The following C6orf136 variants were observed in gnomAD, a reference collection of about 807,000 sequenced individuals.
The protein encoded by C6orf136 is uncharacterized protein C6orf136.
A neutral mutation model predicts 44.0 loss-of-function variants in C6orf136; 29 were observed. That is an observed-to-expected ratio of 0.66 (90% confidence interval 0.49 to 0.90). The LOEUF is 0.90. C6orf136 is among the 40% of genes least tolerant of loss of function. C6orf136 has a pLI of 0.00. For synonymous variants in C6orf136, 293 were observed against 278.6 expected (o/e 1.05, Z -0.52); for missense variants, 628 against 669.3 (o/e 0.94, Z 0.68).
chr6:30,649,811 G>C lies in C6orf136; in HGVS notation c.869G>C (p.Ser290Thr). Residue 290 changes from serine to threonine, a missense_variant, in exon 2 of 6, where the codon AGC (serine) becomes ACC (threonine). Coordinates refer to ENST00000651131, the MANE Select transcript of C6orf136 (RefSeq NM_001161376.2). ...LHSGCLDGLR[S>T]LFEGPPCPYP... Reference sequence around the variant, plus strand: ...AGCGGCTGCCTGGATGGGCTTAGAAGCCTTTTTGAGGGACCTCCCTGCCCC... The same window carrying C: ...AGCGGCTGCCTGGATGGGCTTAGAACCCTTTTTGAGGGACCTCCCTGCCCC... 6.2e-7 allele frequency: 1 copy of C among 1,614,088 alleles called. No individual in the cohort carries two copies.
At chr6:30,649,414 ATGAATCCATC>A in intron 1 of C6orf136, 134 bp from the exon 2 acceptor site, 2 of 685,594 alleles carry the variant, frequency 2.9e-6, no homozygotes, top group Non-Finnish European at 4.8e-6. Flanking sequence ...AGAGATGGAG[ATGAATCCATC>A]CCTTTTTTCC....
chr6:30,647,300 C>T lies in C6orf136; in HGVS notation c.69C>T (p.Pro23=), dbSNP rs774437722. 5.0e-6 allele frequency: 8 copies of T among 1,598,798 alleles called. No individual in the cohort carries two copies. Among genetic ancestry groups the T allele is most frequent in the Non-Finnish European group, 6.8e-6 (8 of 1,174,710 alleles). The change falls in exon 1 of 6, where the codon CCC becomes CCT. Residue 23 remains proline, a synonymous_variant. Coordinates refer to ENST00000651131, the MANE Select transcript of C6orf136 (RefSeq NM_001161376.2). This position sits in a 1 kb window ranked among gnomAD's most constrained non-coding sequence, Gnocchi z 4.8. ...GCCTGCGCGCCTACCAGGCTCGACC[C>T]CAGGTGAGCGGAGGAGAAGAGGGAG... is the stretch of plus-strand genomic sequence containing the variant. ...GPCLRAYQAR[P]QVSGGEEGGR... is the part of the protein sequence containing the mutation.
chr6:30,647,439 C>T lies in C6orf136; in HGVS notation c.208C>T (p.Gln70Ter). ...HPPPLPTCALQRVDRLGVAGA... is the reference protein window; with the variant it reads ...HPPPLPTCAL ...GCCGCCCCTTCCCACCTGTGCCCTG[C>T]AGCGCGTGGACAGGCTAGGGGTCGC... The change falls in exon 1 of 6, where the codon CAG (glutamine) becomes TAG (stop). Residue 70 changes from glutamine to a stop codon, truncating the protein, a stop_gained. Transcript: ENST00000651131. LOFTEE classifies it high-confidence loss of function. The surrounding 1 kb of genome is among the most constrained non-coding windows in gnomAD (Gnocchi z 4.8). The T allele has an allele frequency of 1.4e-6, 2 of 1,471,698 alleles. No homozygotes were observed. The highest frequency in any genetic ancestry group is 1.8e-6 in the Non-Finnish European group (2 of 1,107,814). The allele number at this position is 1,471,698 out of a possible 1,614,324, so 91.2% of individuals were successfully genotyped here. A position where few individuals can be genotyped will look rare whatever the true frequency, so the allele number is the denominator to read the frequency against.
chr6:30,652,275 ACACACAC>A (rs2127572636), intron 4 of C6orf136, among the ~76,000 whole-genome samples: 1 of 150,824 alleles, frequency 6.6e-6, no homozygotes, highest in Non-Finnish European at 1.5e-5. Flanking sequence ...ACACACACAC[ACACACAC>A]AAAAGTACTG....
In C6orf136 at chr6:30,649,756, G is replaced by T. The variant is rs369829820; in HGVS notation, c.814G>T (p.Gly272Trp). 6.2e-7 allele frequency: 1 copy of T among 1,614,014 alleles called. No individual in the cohort carries two copies. The highest frequency in any genetic ancestry group is 1.3e-5 in the African/African-American group (1 of 75,004). ...ATGGGTGGTTCTCCCTCCAGGAAAG[G>T]GGGAGGAGGGACCAGGACCTGAGTT... Reference protein sequence around the residue: ...SAWVVLPPGKGEEGPGPELHS... With the variant: ...SAWVVLPPGKWEEGPGPELHS... Residue 272 changes from glycine to tryptophan, a missense_variant, in exon 2 of 6, where the codon GGG (glycine) becomes TGG (tryptophan). Around this residue, in one of 2 missense-constraint regions of C6orf136, gnomAD observed 497 missense variants for 469.2 expected, o/e 1.06. Transcript: ENST00000651131.
chr6:30,650,910 T>TAA, intron 2 of C6orf136, 84 bp from the exon 3 acceptor site: 1 of 950,342 alleles, frequency 1.1e-6, no homozygotes, highest in South Asian at 1.4e-5. Context: ...AGACTCCGTC[T>TAA]CAAAAAAAAA....
In C6orf136 at chr6:30,651,090, T is replaced by C. The variant is rs79679868; in HGVS notation, c.1106+8T>C. On this transcript the variant is annotated splice_region_variant and intron_variant, in intron 3 of 5. Transcript: ENST00000651131. ...CCTCAACATACGTACCAAGTGAGAA[T>C]TGGGGCACAGGTAGGGCACTGGGGA... The C allele has an allele frequency of 0.012, 18,564 of 1,611,800 alleles. 469 individuals are homozygous for C. The highest frequency in any genetic ancestry group is 0.056 in the African/African-American group (4,188 of 74,948).
rs202091811 is a variant in C6orf136 at position 30,649,985 on chromosome 6, G to A, written c.1017+26G>A. 8 of 1,602,288 alleles carry A rather than the reference G, an allele frequency of 5.0e-6. No homozygotes were observed. The African/African-American group carries it at 6.7e-5, about 13-fold the overall frequency. On this transcript the variant is annotated intron_variant, in intron 2 of 5. Coordinates refer to ENST00000651131, the MANE Select transcript of C6orf136 (RefSeq NM_001161376.2). ...GTAAGTCAGTGCAAAAGTGGCCTTCGTCTACAGTGGGAAGGATGTGGGTAA... is the reference window on the plus strand; with the variant it reads ...GTAAGTCAGTGCAAAAGTGGCCTTCATCTACAGTGGGAAGGATGTGGGTAA...
In C6orf136 at chr6:30,652,827, C is replaced by T. The variant is rs1437026182; in HGVS notation, c.1403C>T (p.Thr468Met). Residue 468 changes from threonine (T) to methionine (M), a missense_variant, in exon 6 of 6, where the codon ACG becomes ATG. Transcript: ENST00000651131. ...DKLMPSHSPP[T>M]PVKKLLVGAL... ...CTGATGCCTTCACACTCACCTCCAACGCCTGTGAAGAAGCTGCTAGTGGGA... is the reference window on the plus strand; with the variant it reads ...CTGATGCCTTCACACTCACCTCCAATGCCTGTGAAGAAGCTGCTAGTGGGA... 21 of 1,613,084 alleles carry T rather than the reference C, an allele frequency of 1.3e-5. No homozygotes were observed. The highest frequency in any genetic ancestry group is 6.7e-5 in the African/African-American group (5 of 75,054).
chr6:30,650,268 C>T (rs1222866366), intron 2 of C6orf136, among the ~76,000 whole-genome samples: 2 of 151,490 alleles, frequency 1.3e-5, no homozygotes, highest in Non-Finnish European at 2.9e-5. Context: ...GTGGCAGACG[C>T]CTATAATCCC....
In C6orf136 at chr6:30,649,761, G is replaced by A; in HGVS notation, c.819G>A (p.Glu273=). The A allele has an allele frequency of 6.2e-7, 1 of 1,614,062 alleles. No homozygotes were observed. The highest frequency in any genetic ancestry group is 8.5e-7 in the Non-Finnish European group (1 of 1,179,988). ...TGGTTCTCCCTCCAGGAAAGGGGGA[G>A]GAGGGACCAGGACCTGAGTTGCATA... ...AWVVLPPGKG[E]EGPGPELHSG... is the part of the protein sequence containing the mutation. The change falls in exon 2 of 6, where the codon GAG becomes GAA. Residue 273 remains glutamate (E), a synonymous_variant. Coordinates refer to ENST00000651131, the MANE Select transcript of C6orf136 (RefSeq NM_001161376.2).
In C6orf136 at chr6:30,647,560, G is replaced by A; in HGVS notation, c.329G>A (p.Gly110Glu). The change falls in exon 1 of 6, where the codon GGG becomes GAG. Residue 110 changes from glycine (G) to glutamate (E), a missense_variant. Physicochemically the swap from Gly to Glu is moderately conservative, Grantham distance 98. Coordinates refer to ENST00000651131, the MANE Select transcript of C6orf136 (RefSeq NM_001161376.2). This position sits in a 1 kb window ranked among gnomAD's most constrained non-coding sequence, Gnocchi z 4.8. ...AVRRGQGQAA[G>E]RVCVAPDSPR... ...AGGCGGGGTCAAGGCCAGGCAGCGG[G>A]GCGCGTCTGCGTTGCGCCCGACTCT... 1 of 1,531,668 alleles carries A rather than the reference G, an allele frequency of 6.5e-7. No homozygotes were observed. Among genetic ancestry groups the A allele is most frequent in the Non-Finnish European group, 8.8e-7 (1 of 1,132,742 alleles). The allele number at this position is 1,531,668 out of a possible 1,614,324, so 94.9% of individuals were successfully genotyped here. A position where few individuals can be genotyped will look rare whatever the true frequency, so the allele number is the denominator to read the frequency against.
At chr6:30,648,729 G>A (rs1767123977) in intron 1 of C6orf136, among the ~76,000 whole-genome samples, 1 of 143,574 alleles carries the variant, frequency 7.0e-6, no homozygotes, top group African/African-American at 2.5e-5. Context: ...ACACTGGGCC[G>A]GGCACGGTGG....
In C6orf136 at chr6:30,647,554, C is replaced by A; in HGVS notation, c.323C>A (p.Ala108Glu). ...LRAVRRGQGQ[A>E]AGRVCVAPDS... ...GCGGTCAGGCGGGGTCAAGGCCAGG[C>A]AGCGGGGCGCGTCTGCGTTGCGCCC... Residue 108 changes from alanine (A) to glutamate (E), a missense_variant, in exon 1 of 6, where the codon GCA becomes GAA. Ala to Glu is a moderately radical substitution (Grantham distance 107, BLOSUM62 -1). Transcript: ENST00000651131. This position sits in a 1 kb window ranked among gnomAD's most constrained non-coding sequence, Gnocchi z 4.8. The A allele has an allele frequency of 6.5e-7, 1 of 1,530,356 alleles. No individual in the cohort carries two copies. The allele number at this position is 1,530,356 out of a possible 1,614,324, so 94.8% of individuals were successfully genotyped here.
chr6:30,647,550 C>T lies in C6orf136; in HGVS notation c.319C>T (p.Gln107Ter). Reference protein sequence around the residue: ...GLRAVRRGQGQAAGRVCVAPD... With the variant: ...GLRAVRRGQG ...GAGGGCGGTCAGGCGGGGTCAAGGC[C>T]AGGCAGCGGGGCGCGTCTGCGTTGC... The change falls in exon 1 of 6, where the codon CAG becomes TAG. Residue 107 changes from glutamine to a stop codon, truncating the protein, a stop_gained. Coordinates refer to ENST00000651131, the MANE Select transcript of C6orf136 (RefSeq NM_001161376.2). LOFTEE classifies it high-confidence loss of function. This position sits in a 1 kb window ranked among gnomAD's most constrained non-coding sequence, Gnocchi z 4.8. 1 of 1,530,040 alleles carries T rather than the reference C, an allele frequency of 6.5e-7. No individual in the cohort carries two copies. Among genetic ancestry groups the T allele is most frequent in the Non-Finnish European group, 8.8e-7 (1 of 1,132,016 alleles). The allele number at this position is 1,530,040 out of a possible 1,614,324, so 94.8% of individuals were successfully genotyped here.
At chr6:30,648,830 A>G (rs905570928) in intron 1 of C6orf136, among the ~76,000 whole-genome samples, 1 of 149,732 alleles carries the variant, frequency 6.7e-6, no homozygotes, top group Non-Finnish European at 1.5e-5. Flanking sequence ...AACATGGTGA[A>G]ACCCCATCTG....
Position 30,647,421 on chromosome 6 carries a change from C to T in C6orf136, c.190C>T (p.Leu64Phe), listed in dbSNP as rs764140056. Residue 64 changes from leucine to phenylalanine, a missense_variant, in exon 1 of 6, where the codon CTT becomes TTT. Leu to Phe is a conservative substitution (Grantham distance 22, BLOSUM62 0). Coordinates refer to ENST00000651131, the MANE Select transcript of C6orf136 (RefSeq NM_001161376.2). The surrounding 1 kb of genome is among the most constrained non-coding windows in gnomAD (Gnocchi z 4.8). ...GCAGGCGCAGAGACACCCGCCGCCC[C>T]TTCCCACCTGTGCCCTGCAGCGCGT... ...SAQAQRHPPP[L>F]PTCALQRVDR... 1.1e-5 allele frequency: 16 copies of T among 1,469,138 alleles called. No individual in the cohort carries two copies. The highest frequency in any genetic ancestry group is 7.3e-5 in the Admixed American group (3 of 40,844). The allele number at this position is 1,469,138 out of a possible 1,614,324, so 91.0% of individuals were successfully genotyped here.
At position 30,647,452 on chromosome 6, in the gene C6orf136, G is replaced by A; in HGVS notation, c.221G>A (p.Arg74Lys). The A allele has an allele frequency of 6.7e-7, 1 of 1,483,402 alleles. No homozygotes were observed. Among genetic ancestry groups the A allele is most frequent in the Non-Finnish European group, 9.0e-7 (1 of 1,111,386 alleles). 91.9% of individuals were successfully genotyped at this position (1,483,402 alleles called of 1,614,324 possible). Residue 74 changes from arginine to lysine, a missense_variant, in exon 1 of 6, where the codon AGG (arginine) becomes AAG (lysine). Transcript: ENST00000651131. This position sits in a 1 kb window ranked among gnomAD's most constrained non-coding sequence, Gnocchi z 4.8. The part of the protein sequence containing the change: ...LPTCALQRVD[R>K]LGVAGAGGRR... Reference sequence around the variant, plus strand: ...ACCTGTGCCCTGCAGCGCGTGGACAGGCTAGGGGTCGCGGGAGCGGGAGGG... The same window carrying A: ...ACCTGTGCCCTGCAGCGCGTGGACAAGCTAGGGGTCGCGGGAGCGGGAGGG...
Position 30,651,052 on chromosome 6 carries a change from T to G in C6orf136, c.1076T>G (p.Phe359Cys). Residue 359 changes from phenylalanine (F) to cysteine (C), a missense_variant, in exon 3 of 6, where the codon TTC becomes TGC. By Grantham distance (205) the Phe-to-Cys change is radical (BLOSUM62 -2). Transcript: ENST00000651131. ...AGTCTGTATTCCTTGGATGTGGAAT[T>G]CATCAATGAGATCCTCAACATACGT... ...DYSLYSLDVE[F>C]INEILNIRTK... 1 of 1,614,164 alleles carries G rather than the reference T, an allele frequency of 6.2e-7. No homozygotes were observed. The highest frequency in any genetic ancestry group is 8.5e-7 in the Non-Finnish European group (1 of 1,179,994).
Sources: gnomAD v4.1 joint callset for allele counts (sites outside exome capture counted in the v4.1 genomes callset) on GRCh38, gnomAD v4.1.1 for gene constraint, gnomAD v4.1.1 regional missense constraint, Gnocchi (gnomAD v3.1) non-coding constraint, MANE v1.5 for transcripts, NCBI Gene and HGNC (gene_info 2026-07-23, HGNC 2026-07-21) for gene names.